Variants in RBAK observed in about 807,000 individuals in gnomAD.
RBAK encodes RB-associated KRAB zinc finger protein.
A neutral mutation model predicts 65.8 loss-of-function variants in RBAK; 39 were observed. The ratio of observed to expected loss-of-function variants is 0.59; its 90% confidence interval spans 0.46 to 0.77. RBAK has a LOEUF of 0.77. Ranked by LOEUF, RBAK falls within the 30% of genes least tolerant of loss-of-function variation. The pLI is 0.00. For missense variants in RBAK, 884 were observed against 855.1 expected (o/e 1.03, Z -0.42); for synonymous variants, 343 against 289.7 (o/e 1.18, Z -1.87).
chr7:5,063,624 T>G (rs1394179600), intron 4 of RBAK, 71 bp from the exon 5 acceptor site: 1 of 1,272,428 alleles, frequency 7.9e-7, no homozygotes, highest in Non-Finnish European at 1.1e-6. Context: ...TGGGGGCTCT[T>G]GAATACCAGT....
chr7:5,065,306 A>G lies in RBAK; in HGVS notation c.1850A>G (p.His617Arg), dbSNP rs1035285980. 3 of 1,614,076 alleles carry G rather than the reference A, an allele frequency of 1.9e-6. No individual in the cohort carries two copies. The Admixed American group carries it at 5.0e-5, about 27-fold the overall frequency. Residue 617 changes from histidine (H) to arginine (R), a missense_variant, in exon 5 of 5, where the codon CAT becomes CGT. His to Arg is a conservative substitution (Grantham distance 29). Transcript: ENST00000396912. This position sits in a 1 kb window ranked among gnomAD's most constrained non-coding sequence, Gnocchi z 5.3. ...TATCTCACTATACATCATCGAATTC[A>G]TTCAGGAGAGAAACCCTATGAATGT... ...KSYLTIHHRI[H>R]SGEKPYECSK... is the part of the protein sequence containing the mutation.
At position 5,065,202 on chromosome 7, in the gene RBAK, C is replaced by T. The variant is rs11771682; in HGVS notation, c.1746C>T (p.Leu582=). Reference sequence around the variant, plus strand: ...AAACCTTTTCCCATAATTCATCCCTCTTCAGACATCAAAGAGTACACACAG... The same window carrying T: ...AAACCTTTTCCCATAATTCATCCCTTTTCAGACATCAAAGAGTACACACAG... ...CGKTFSHNSS[L]FRHQRVHTGE... is the part of the protein sequence containing the mutation. Residue 582 remains leucine, a synonymous_variant, in exon 5 of 5, where the codon CTC becomes CTT. Transcript: ENST00000396912. This position sits in a 1 kb window ranked among gnomAD's most constrained non-coding sequence, Gnocchi z 5.3. 0.034 allele frequency: 54,233 copies of T among 1,613,356 alleles called. 1,104 individuals carry two copies. The highest frequency in any genetic ancestry group is 0.04 in the Non-Finnish European group (47,040 of 1,179,742).
rs1779298179 is a variant in RBAK at position 5,069,283 on chromosome 7, CAT to C, written c.*3685_*3686del. On this transcript the variant is annotated 3_prime_UTR_variant, in exon 5 of 5. Transcript: ENST00000396912. ...TTTGCATAATTCTGTGCAGGAAATA[CAT>C]ATTTATAGTAATTTTGATGGCAACT... 1 of 152,146 alleles carries C rather than the reference CAT, an allele frequency of 6.6e-6. No homozygotes were observed. Among genetic ancestry groups the C allele is most frequent in the Non-Finnish European group, 1.5e-5 (1 of 68,030 alleles). 9.4% of individuals were successfully genotyped at this position (152,146 alleles called of 1,614,324 possible).
In RBAK at chr7:5,065,380, T is replaced by C. The variant is rs779831650; in HGVS notation, c.1924T>C (p.Tyr642His). 3.1e-6 allele frequency: 5 copies of C among 1,612,430 alleles called. No individual in the cohort carries two copies. Among genetic ancestry groups the C allele is most frequent in the Non-Finnish European group, 4.2e-6 (5 of 1,179,440 alleles). The change falls in exon 5 of 5, where the codon TAC (tyrosine) becomes CAC (histidine). Residue 642 changes from tyrosine to histidine, a missense_variant. Tyr to His is a moderately conservative substitution (Grantham distance 83). Transcript: ENST00000396912. The surrounding 1 kb of genome is among the most constrained non-coding windows in gnomAD (Gnocchi z 5.3). ...TCGGATGTCAAACCTCACTGTCCAC[T>C]ACAGAAGCCATTCAGGAGAGAAACC... ...FSRMSNLTVH[Y>H]RSHSGEKPYE...
At position 5,046,223 on chromosome 7, in the gene RBAK, G is replaced by T; in HGVS notation, c.-218G>T. On this transcript the variant is annotated 5_prime_UTR_variant, in exon 1 of 5. Coordinates refer to ENST00000396912, the MANE Select transcript of RBAK (RefSeq NM_021163.4). ...CCCGAGGGAGGCGGATCTGGGTCCC[G>T]GGAAGGACACCCGCCTGGATTTGCC... is the stretch of plus-strand genomic sequence containing the variant. 2.0e-6 allele frequency: 1 copy of T among 504,108 alleles called. No homozygotes were observed. Among genetic ancestry groups the T allele is most frequent in the East Asian group, 5.7e-5 (1 of 17,646 alleles). 31.2% of individuals were successfully genotyped at this position (504,108 alleles called of 1,614,324 possible). A position where few individuals can be genotyped will look rare whatever the true frequency, so the allele number is the denominator to read the frequency against.
In RBAK at chr7:5,065,310, A is replaced by G. The variant is rs771762121; in HGVS notation, c.1854A>G (p.Ser618=). 5.1e-5 allele frequency: 82 copies of G among 1,613,970 alleles called. No homozygotes were observed. Among genetic ancestry groups the G allele is most frequent in the Non-Finnish European group, 6.8e-5 (80 of 1,179,960 alleles). The change falls in exon 5 of 5, where the codon TCA becomes TCG. Residue 618 remains serine (S), a synonymous_variant. Transcript: ENST00000396912. The surrounding 1 kb of genome is among the most constrained non-coding windows in gnomAD (Gnocchi z 5.3). ...TCACTATACATCATCGAATTCATTC[A>G]GGAGAGAAACCCTATGAATGTAGTA... ...SYLTIHHRIH[S]GEKPYECSKC...
intron 4 of RBAK, among the ~76,000 whole-genome samples, chr7:5,060,231 C>G (rs1253328004): frequency 6.6e-6 from 1 of 152,126 alleles, no homozygotes; most frequent in East Asian, 1.9e-4. Context: ...TATTGACTTA[C>G]CAAGGAGCTA....
intron 2 of RBAK, among the ~76,000 whole-genome samples, chr7:5,054,308 G>A (rs1358532144): frequency 6.6e-6 from 1 of 151,862 alleles, no homozygotes; most frequent in Non-Finnish European, 1.5e-5. Flanking sequence ...GGGAGACTGA[G>A]GCAGGAGAAT....
chr7:5,061,647 C>A (rs1779074886), intron 4 of RBAK, among the ~76,000 whole-genome samples: 2 of 151,138 alleles, frequency 1.3e-5, no homozygotes, highest in South Asian at 4.2e-4. Flanking sequence ...TTTGTAATCC[C>A]AGCACTTTGG....
At chr7:5,055,023 C>A (rs1403586529) in intron 2 of RBAK, among the ~76,000 whole-genome samples, 1 of 151,976 alleles carries the variant, frequency 6.6e-6, no homozygotes, top group African/African-American at 2.4e-5. Flanking sequence ...CTCGGGTGAT[C>A]TGCCCGCCTC....
At chr7:5,062,500 G>A (rs1779102190) in intron 4 of RBAK, among the ~76,000 whole-genome samples, 1 of 152,174 alleles carries the variant, frequency 6.6e-6, no homozygotes, top group African/African-American at 2.4e-5. Flanking sequence ...CAAGGCAAAT[G>A]GAGGCAGGGC....
rs768216955 is a variant in RBAK at position 5,065,229 on chromosome 7, C to T, written c.1773C>T (p.Gly591=). Residue 591 remains glycine, a synonymous_variant, in exon 5 of 5, where the codon GGC becomes GGT. Transcript: ENST00000396912. This position sits in a 1 kb window ranked among gnomAD's most constrained non-coding sequence, Gnocchi z 5.3. ...SLFRHQRVHT[G]EKPYECYECG... ...TCAGACATCAAAGAGTACACACAGG[C>T]GAGAAACCCTATGAATGTTACGAAT... 7.7e-5 allele frequency: 124 copies of T among 1,612,834 alleles called. No homozygotes were observed. The highest frequency in any genetic ancestry group is 3.3e-4 in the Middle Eastern group (2 of 6,072).
At position 5,057,615 on chromosome 7, in the gene RBAK, A is replaced by G. The variant is rs572782798; in HGVS notation, c.143-69A>G. ...CTGTTATGCAGCTTATGAGGTGGCA[A>G]CATCTTGTACTTCAGAGATTCTGAA... On this transcript the variant is annotated intron_variant, in intron 3 of 4. Transcript: ENST00000396912. 69 of 1,604,730 alleles carry G rather than the reference A, an allele frequency of 4.3e-5. 1 individual carries two copies. In the South Asian group the frequency reaches 6.8e-4, roughly 16 times the overall value.
Position 5,061,879 on chromosome 7 carries a change from T to C in RBAK, c.239-1816T>C, listed in dbSNP as rs147374169. On this transcript the variant is annotated intron_variant, in intron 4 of 4. Transcript: ENST00000396912. ...TGCCATTGTATTCCAGCCTGGGTGA[T>C]AGAGCGAGACTCCATCTACAAAAAA... Among the ~76,000 whole-genome samples the C allele has an allele frequency of 7.4e-4, 112 of 151,282 alleles. 3 individuals are homozygous for C. The East Asian group carries it at 0.018, about 24-fold the overall frequency.
intron 2 of RBAK, among the ~76,000 whole-genome samples, chr7:5,051,319 C>G (rs1217186309): frequency 2.0e-5 from 3 of 152,092 alleles, no homozygotes; most frequent in African/African-American, 7.2e-5. Context: ...CATTTATATG[C>G]ATATATACAT....
Position 5,064,975 on chromosome 7 carries a change from G to T in RBAK, c.1519G>T (p.Glu507Ter). ...YLTDHHTAHLEEKPYECNECG... is the reference protein window; with the variant it reads ...YLTDHHTAHL ...CACCGACCATCATACAGCTCATTTA[G>T]AAGAGAAACCCTATGAATGTAATGA... Residue 507 changes from glutamate to a stop codon, truncating the protein, a stop_gained, in exon 5 of 5, where the codon GAA becomes TAA. Coordinates refer to ENST00000396912, the MANE Select transcript of RBAK (RefSeq NM_021163.4). LOFTEE classifies it high-confidence loss of function. The surrounding 1 kb of genome is among the most constrained non-coding windows in gnomAD (Gnocchi z 6.3). 1.2e-6 allele frequency: 2 copies of T among 1,614,122 alleles called. No individual in the cohort carries two copies. Among genetic ancestry groups the T allele is most frequent in the Non-Finnish European group, 1.7e-6 (2 of 1,179,988 alleles).
chr7:5,063,766 T>A lies in RBAK; in HGVS notation c.310T>A (p.Cys104Ser). The change falls in exon 5 of 5, where the codon TGT (cysteine) becomes AGT (serine). Residue 104 changes from cysteine to serine, a missense_variant. Physicochemically the swap from Cys to Ser is moderately radical, Grantham distance 112 (BLOSUM62 -1). Coordinates refer to ENST00000396912, the MANE Select transcript of RBAK (RefSeq NM_021163.4). Reference sequence around the variant, plus strand: ...AGACAAACATTCAAGGCAAGCTGCTTGTATCAATAGCAAAACCCTGACTGA... The same window carrying A: ...AGACAAACATTCAAGGCAAGCTGCTAGTATCAATAGCAAAACCCTGACTGA... ...NEDKHSRQAACINSKTLTEEK... is the reference protein window; with the variant it reads ...NEDKHSRQAASINSKTLTEEK... The A allele has an allele frequency of 1.2e-6, 2 of 1,613,902 alleles. No homozygotes were observed. Among genetic ancestry groups the A allele is most frequent in the Non-Finnish European group, 1.7e-6 (2 of 1,179,958 alleles).
rs1490108190 is a variant in RBAK at position 5,067,051 on chromosome 7, T to G, written c.*1450T>G. On this transcript the variant is annotated 3_prime_UTR_variant, in exon 5 of 5. Coordinates refer to ENST00000396912, the MANE Select transcript of RBAK (RefSeq NM_021163.4). ...AAATGATGGATTGAAAGGGACTTAC[T>G]TAACTGCATAAAGAGACTTAAACTA... The G allele has an allele frequency of 6.6e-6, 1 of 152,174 alleles. No individual in the cohort carries two copies. The highest frequency in any genetic ancestry group is 1.5e-5 in the Non-Finnish European group (1 of 68,002). The allele number at this position is 152,174 out of a possible 1,614,324, so 9.4% of individuals were successfully genotyped here. A position where few individuals can be genotyped will look rare whatever the true frequency, so the allele number is the denominator to read the frequency against.
At chr7:5,055,355 C>T (rs185422570) in intron 2 of RBAK, among the ~76,000 whole-genome samples, 58 of 151,572 alleles carry the variant, frequency 3.8e-4, no homozygotes, top group Non-Finnish European at 7.1e-4. Flanking sequence ...ACATATATAT[C>T]ATACATACTA....
Sources: gnomAD v4.1 joint callset for allele counts (sites outside exome capture counted in the v4.1 genomes callset) on GRCh38, gnomAD v4.1.1 for gene constraint, Gnocchi (gnomAD v3.1) non-coding constraint, MANE v1.5 for transcripts, NCBI Gene and HGNC (gene_info 2026-07-23, HGNC 2026-07-21) for gene names.